The following HOOK3 variants were observed in gnomAD, a reference collection of about 807,000 sequenced individuals.
The protein encoded by HOOK3 is protein Hook homolog 3.
In HOOK3, 24 loss-of-function variants were observed where a neutral mutation model predicts 116.3. That is an observed-to-expected ratio of 0.21 (90% CI 0.15 to 0.29). HOOK3 has a LOEUF of 0.29. HOOK3 is among the 10% of genes least tolerant of loss of function. The pLI is 1.00. For synonymous variants in HOOK3, 275 were observed against 283.0 expected (o/e 0.97, Z 0.28); for missense variants, 632 against 830.2 (o/e 0.76, Z 2.93).
intron 1 of HOOK3, 103 bp downstream of exon 1, chr8:42,897,291 G>C (rs566757417): frequency 1.3e-6 from 1 of 770,546 alleles, no homozygotes; most frequent in South Asian, 6.6e-5. Context: ...CGACGGTGCC[G>C]TCACATCCGG....
At chr8:42,955,916 T>C (rs1808423926) in intron 6 of HOOK3, among the ~76,000 whole-genome samples, 1 of 152,020 alleles carries the variant, frequency 6.6e-6, no homozygotes, top group South Asian at 2.1e-4. Context: ...CAGGCTAGAG[T>C]GCAGTGGCTA....
intron 11 of HOOK3, among the ~76,000 whole-genome samples, chr8:42,972,094 G>A (rs1208457622): frequency 6.6e-6 from 1 of 151,934 alleles, no homozygotes; most frequent in Non-Finnish European, 1.5e-5. Context: ...TTATTTTTTG[G>A]TTGTTATTGC....
At chr8:42,937,990 G>A (rs13277262) in intron 4 of HOOK3, among the ~76,000 whole-genome samples, 7,174 of 152,176 alleles carry the variant, frequency 0.047, 224 homozygotes, top group South Asian at 0.081. Context: ...ACAGTGGGGT[G>A]TTAAAGTCTC....
intron 8 of HOOK3, 146 bp downstream of exon 8, chr8:42,959,460 T>C: frequency 1.8e-6 from 1 of 552,558 alleles, no homozygotes; most frequent in Non-Finnish European, 3.2e-6. Flanking sequence ...GGCTCACACC[T>C]GTAATCCCAG....
At chr8:42,939,317 C>A (rs1023812117) in intron 4 of HOOK3, among the ~76,000 whole-genome samples, 5 of 151,930 alleles carry the variant, frequency 3.3e-5, no homozygotes, top group Admixed American at 6.5e-5. Context: ...CCCCTCACCT[C>A]CCGGACGGGG....
intron 21 of HOOK3, among the ~76,000 whole-genome samples, chr8:43,014,059 G>A (rs762028541): frequency 2.6e-4 from 39 of 152,038 alleles, no homozygotes; most frequent in Admixed American, 9.2e-4. Context: ...GAGGCCAGGT[G>A]GGCGGATCAC....
At chr8:42,990,519 T>G (rs1410166965) in intron 15 of HOOK3, among the ~76,000 whole-genome samples, 1 of 151,356 alleles carries the variant, frequency 6.6e-6, no homozygotes, top group Non-Finnish European at 1.5e-5. Context: ...TTTCTATTTT[T>G]TTGTAGAGAT....
intron 9 of HOOK3, among the ~76,000 whole-genome samples, chr8:42,964,927 G>C (rs1808605598): frequency 6.6e-6 from 1 of 152,214 alleles, no homozygotes; most frequent in East Asian, 1.9e-4. Flanking sequence ...CACACAACAT[G>C]AAACTACTTC....
At position 43,013,102 on chromosome 8, in the gene HOOK3, C is replaced by G; in HGVS notation, c.1891C>G (p.Gln631Glu). The G allele has an allele frequency of 6.2e-7, 1 of 1,613,528 alleles. No individual in the cohort carries two copies. The highest frequency in any genetic ancestry group is 8.5e-7 in the Non-Finnish European group (1 of 1,179,670). ...GAATCAAGGAGCAGCACCAGAAATA[C>G]AAGCTCTTAAAAATCAGCTCCAGGA... The part of the protein sequence containing the change: ...KQNQGAAPEI[Q>E]ALKNQLQERD... The change falls in exon 20 of 22, where the codon CAA becomes GAA. Residue 631 changes from glutamine to glutamate, a missense_variant. This residue lies in a region of HOOK3 where 483 missense variants were observed against 648.1 expected (regional missense o/e 0.75). Coordinates refer to ENST00000307602, the MANE Select transcript of HOOK3 (RefSeq NM_032410.4).
intron 19 of HOOK3, among the ~76,000 whole-genome samples, chr8:43,010,801 A>G (rs1809589852): frequency 6.6e-6 from 1 of 152,204 alleles, no homozygotes; most frequent in African/African-American, 2.4e-5. Context: ...GTTTATTGGA[A>G]CAAGCTAAAT....
chr8:42,948,269 T>C (rs1808272282), intron 5 of HOOK3, among the ~76,000 whole-genome samples: 1 of 152,208 alleles, frequency 6.6e-6, no homozygotes, highest in African/African-American at 2.4e-5. Context: ...TTTTAAACAG[T>C]GAAGGCTTCA....
intron 17 of HOOK3, among the ~76,000 whole-genome samples, 192 bp from the exon 18 acceptor site, chr8:43,007,653 CAG>C (rs1015042035): frequency 3.3e-5 from 5 of 152,234 alleles, no homozygotes; most frequent in Admixed American, 6.5e-5. Flanking sequence ...CTTTTTCAAA[CAG>C]AGGAATTTTT....
intron 1 of HOOK3, among the ~76,000 whole-genome samples, chr8:42,902,139 G>C (rs1156284635): frequency 1.3e-5 from 2 of 152,094 alleles, no homozygotes; most frequent in Admixed American, 6.5e-5. Flanking sequence ...TGGATCATAG[G>C]ATTCCAAATG....
intron 5 of HOOK3, among the ~76,000 whole-genome samples, chr8:42,947,177 A>T (rs1421535663): frequency 6.6e-6 from 1 of 152,184 alleles, no homozygotes; most frequent in African/African-American, 2.4e-5. Flanking sequence ...GTGTCTAACA[A>T]GTGTTCTGTC....
chr8:42,971,073 C>T (rs974888570), intron 11 of HOOK3, among the ~76,000 whole-genome samples: 29 of 151,958 alleles, frequency 1.9e-4, no homozygotes, highest in South Asian at 1.2e-3. Context: ...AGGTGTGAGC[C>T]GCTGCACCCA....
intron 13 of HOOK3, among the ~76,000 whole-genome samples, chr8:42,976,320 A>ACATAG (rs760540909): frequency 6.6e-5 from 10 of 151,928 alleles, no homozygotes; most frequent in Admixed American, 1.3e-4. Context: ...AGCCTGGGCA[A>ACATAG]CATAGCAAGA....
chr8:42,931,306 C>T (rs1254116794), intron 4 of HOOK3, among the ~76,000 whole-genome samples: 2 of 152,090 alleles, frequency 1.3e-5, no homozygotes, highest in Admixed American at 1.3e-4. Context: ...ACCCCTCAGC[C>T]CCATTATTCA....
chr8:43,013,508 C>T (rs2130491010), intron 21 of HOOK3, 108 bp downstream of exon 21: 5 of 890,262 alleles, frequency 5.6e-6, no homozygotes, highest in Non-Finnish European at 8.2e-6. Flanking sequence ...CTGAAAGTAA[C>T]TGCTATCCTA....
chr8:43,009,519 G>A (rs139725029), intron 18 of HOOK3, among the ~76,000 whole-genome samples: 12 of 152,204 alleles, frequency 7.9e-5, no homozygotes, highest in African/African-American at 2.6e-4. Flanking sequence ...ATTATATGAT[G>A]TTAAGATATT....
Sources: allele counts gnomAD v4.1 joint callset (sites outside exome capture counted in the v4.1 genomes callset), GRCh38; gene constraint gnomAD v4.1.1; regional missense constraint gnomAD v4.1.1; transcripts MANE v1.5; gene names NCBI Gene and HGNC (gene_info 2026-07-23, HGNC 2026-07-21).